The following SPANXN2 variants were observed in gnomAD, a reference collection of about 807,000 sequenced individuals.
The protein encoded by SPANXN2 is sperm protein associated with the nucleus on the X chromosome N2.
Under a neutral mutation model 2.0 loss-of-function variants are expected in SPANXN2, and 1 was observed. The observed-to-expected ratio is 0.50, with a 90% confidence interval of 0.18 to 2.36. SPANXN2 has a LOEUF of 2.36. SPANXN2 is among the 30% of genes most tolerant of loss of function. The pLI, the probability that SPANXN2 is intolerant of heterozygous loss-of-function variation, is 0.26. For synonymous variants in SPANXN2, 43 were observed against 49.8 expected, an observed-to-expected ratio of 0.86 and a Z score of 0.58; for missense variants, 88 against 116.7, an observed-to-expected ratio of 0.75 and a Z score of 1.13.
chrX:143,716,466 T>C (rs1932267319), intron 1 of SPANXN2, among the ~76,000 whole-genome samples: 1 of 111,398 alleles, frequency 9.0e-6, no homozygotes, highest in Non-Finnish European at 1.9e-5. Flanking sequence ...GGGCCCATCC[T>C]AAAACCCCTG....
At chrX:143,720,727 GCT>G (rs781842635) in exon 1 of SPANXN2, 30 of 1,161,486 alleles carry the variant, frequency 2.6e-5, no homozygotes, top group Non-Finnish European at 3.5e-5. Flanking sequence ...GACTTCCACA[GCT>G]ATATTGAAGC....
intron 1 of SPANXN2, among the ~76,000 whole-genome samples, chrX:143,714,565 G>A (rs1230639340): frequency 1.8e-5 from 2 of 111,784 alleles, no homozygotes; most frequent in Admixed American, 1.9e-4. Context: ...TAGACAGACA[G>A]AAATCAGGCC....
chrX:143,718,441 CCCG>C (rs1359670675), intron 1 of SPANXN2, among the ~76,000 whole-genome samples: 1 of 111,592 alleles, frequency 9.0e-6, no homozygotes, highest in African/African-American at 3.3e-5. Flanking sequence ...CTCCTCCTCC[CCCG>C]CTCTCCAACC....
At chrX:143,720,182 C>A (rs1932338952) in intron 1 of SPANXN2, among the ~76,000 whole-genome samples, 1 of 110,754 alleles carries the variant, frequency 9.0e-6, no homozygotes, top group Non-Finnish European at 1.9e-5. Context: ...ATTTTGCAGA[C>A]CTTGATCAAA....
intron 1 of SPANXN2, among the ~76,000 whole-genome samples, chrX:143,719,599 T>C (rs782443908): frequency 8.9e-6 from 1 of 112,292 alleles, no homozygotes; most frequent in South Asian, 3.7e-4. Context: ...AGTGTCTTCT[T>C]CCTTTGCGGC....
intron 1 of SPANXN2, among the ~76,000 whole-genome samples, chrX:143,718,547 A>G (rs1932308926): frequency 9.0e-6 from 1 of 111,415 alleles, no homozygotes; most frequent in Non-Finnish European, 1.9e-5. Flanking sequence ...TCAAACTAAA[A>G]AGAGCACCAG....
chrX:143,712,525 G>C, intron 1 of SPANXN2, 26 bp from the exon 2 acceptor site: 1 of 1,187,317 alleles, frequency 8.4e-7, no homozygotes, highest in Non-Finnish European at 1.1e-6. Context: ...GGAGAGGCCA[G>C]AAAGTCATTA....
chrX:143,712,952 T>C (rs1932194432), intron 1 of SPANXN2, among the ~76,000 whole-genome samples: 1 of 111,712 alleles, frequency 9.0e-6, no homozygotes, highest in Admixed American at 9.5e-5. Context: ...CCGGATAGCA[T>C]CCCACATTGC....
chrX:143,712,570 G>T, intron 1 of SPANXN2, 71 bp from the exon 2 acceptor site: 3 of 1,008,963 alleles, frequency 3.0e-6, no homozygotes, highest in East Asian at 6.1e-5. Flanking sequence ...GGATAGCAAG[G>T]GGGGCTTTAT....
At chrX:143,714,863 C>G (rs1932230951) in intron 1 of SPANXN2, among the ~76,000 whole-genome samples, 1 of 111,660 alleles carries the variant, frequency 9.0e-6, no homozygotes, top group Admixed American at 9.5e-5. Context: ...AAAGAAGGAC[C>G]AGGCTAAATA....
At chrX:143,720,257 G>A (rs1433690918) in intron 1 of SPANXN2, among the ~76,000 whole-genome samples, 9 of 110,605 alleles carry the variant, frequency 8.1e-5, no homozygotes, top group African/African-American at 2.6e-4. Flanking sequence ...AACACAAGGC[G>A]GACACAGGTC....
exon 2 of SPANXN2, chrX:143,712,353 C>A (rs1569482240): frequency 8.2e-7 from 1 of 1,212,537 alleles, no homozygotes; most frequent in East Asian, 3.0e-5. Context: ...TGATGGAGTT[C>A]TCTCGGGACT....
intron 1 of SPANXN2, among the ~76,000 whole-genome samples, chrX:143,717,587 GC>G: frequency 8.9e-6 from 1 of 112,111 alleles, no homozygotes; most frequent in Non-Finnish European, 1.9e-5. Flanking sequence ...AAAGTGTCTT[GC>G]CCAAGTTTAA....
chrX:143,718,501 C>T (rs1162294711), intron 1 of SPANXN2, among the ~76,000 whole-genome samples: 20 of 111,547 alleles, frequency 1.8e-4, no homozygotes, highest in African/African-American at 6.5e-4. Context: ...TCCCACAGCG[C>T]CAAAGCTAAC....
At chrX:143,717,466 C>T (rs1932287626) in intron 1 of SPANXN2, among the ~76,000 whole-genome samples, 1 of 111,125 alleles carries the variant, frequency 9.0e-6, no homozygotes, top group African/African-American at 3.3e-5. Context: ...AAAACCCCAT[C>T]GTTATTGCTC....
intron 1 of SPANXN2, among the ~76,000 whole-genome samples, chrX:143,718,366 A>G (rs1406779312): frequency 2.7e-5 from 3 of 110,990 alleles, no homozygotes. Context: ...GACCCAGCCT[A>G]AAAGTCCATC....
At chrX:143,718,750 C>T (rs1468725487) in intron 1 of SPANXN2, among the ~76,000 whole-genome samples, 1 of 111,376 alleles carries the variant, frequency 9.0e-6, no homozygotes, top group Admixed American at 9.5e-5. Context: ...TCCCCATGAC[C>T]CTGAATAGTC....
chrX:143,720,730 A>G (rs188131044), exon 1 of SPANXN2: 80 of 1,151,785 alleles, frequency 6.9e-5, no homozygotes, highest in Admixed American at 2.2e-4. Flanking sequence ...TTCCACAGCT[A>G]TATTGAAGCT....
intron 1 of SPANXN2, among the ~76,000 whole-genome samples, chrX:143,717,223 C>T (rs1932283086): frequency 8.9e-6 from 1 of 111,922 alleles, no homozygotes; most frequent in African/African-American, 3.3e-5. Context: ...TACACCCATT[C>T]CAAATATGCA....
Sources: allele counts gnomAD v4.1 joint callset (sites outside exome capture counted in the v4.1 genomes callset), GRCh38; gene constraint gnomAD v4.1.1; transcripts MANE v1.5; gene names NCBI Gene and HGNC (gene_info 2026-07-23, HGNC 2026-07-21).